ADAMTS17: variants seen among roughly 807,000 people sequenced by gnomAD.
The protein encoded by ADAMTS17 is A disintegrin and metalloproteinase with thrombospondin motifs 17.
Under a neutral mutation model 141.5 loss-of-function variants are expected in ADAMTS17, and 113 were observed. The ratio of observed to expected loss-of-function variants is 0.80; its 90% confidence interval spans 0.69 to 0.93. The LOEUF (loss-of-function observed/expected upper bound fraction) is 0.93, where lower values mean the gene tolerates loss of function less well. ADAMTS17 is among the 40% of genes least tolerant of loss of function. ADAMTS17 has a pLI of 0.00. For missense variants in ADAMTS17, 1,659 were observed against 1,517.9 expected (o/e 1.09, Z -1.54); for synonymous variants, 768 against 630.6 (o/e 1.22, Z -3.27).
At chr15:100,162,163 C>A (rs989369560) in intron 8 of ADAMTS17, among the ~76,000 whole-genome samples, 5 of 152,108 alleles carry the variant, frequency 3.3e-5, no homozygotes, top group African/African-American at 1.2e-4. Flanking sequence ...ACAATACACA[C>A]AGCCTCTCTA....
At chr15:100,019,722 T>C (rs1048537518) in intron 18 of ADAMTS17, among the ~76,000 whole-genome samples, 2 of 152,212 alleles carry the variant, frequency 1.3e-5, no homozygotes, top group African/African-American at 2.4e-5. Flanking sequence ...AAGACGCCTG[T>C]GTGGGCCAAG....
rs867207460 is a variant in ADAMTS17 at position 100,301,256 on chromosome 15, A to T, written c.617-19855T>A. 2.6e-5 allele frequency among the ~76,000 whole-genome samples: 4 copies of T among 152,072 alleles called. No individual in the cohort carries two copies. In the Middle Eastern group the frequency reaches 0.01, roughly 388 times the overall value. ...TTTAACACTTTTATATTTATTGTAA[A>T]AGTTGATAATGGTTGATCTTCTGTC... On this transcript the variant is annotated intron_variant, in intron 3 of 21. Coordinates refer to ENST00000268070, the MANE Select transcript of ADAMTS17 (RefSeq NM_139057.4).
At chr15:100,223,744 G>GTATA (rs142476336) in intron 7 of ADAMTS17, among the ~76,000 whole-genome samples, 37 of 148,892 alleles carry the variant, frequency 2.5e-4, no homozygotes, top group African/African-American at 5.1e-4. Flanking sequence ...ACATGTATGT[G>GTATA]TATATATATA....
chr15:100,069,227 G>A (rs2033789616), intron 15 of ADAMTS17, among the ~76,000 whole-genome samples: 1 of 152,214 alleles, frequency 6.6e-6, no homozygotes, highest in South Asian at 2.1e-4. Context: ...AAGCCTCCAA[G>A]AAATATGGGA....
At chr15:100,008,136 T>G (rs1171449263) in intron 18 of ADAMTS17, among the ~76,000 whole-genome samples, 2 of 152,032 alleles carry the variant, frequency 1.3e-5, no homozygotes, top group Admixed American at 6.5e-5. Flanking sequence ...CCAATGCCTC[T>G]TAAGAAACGT....
chr15:100,078,424 A>C (rs768954411), intron 15 of ADAMTS17, among the ~76,000 whole-genome samples: 1 of 144,726 alleles, frequency 6.9e-6, no homozygotes, highest in Non-Finnish European at 1.5e-5. Flanking sequence ...AGAGTCCAGA[A>C]AACAATTTTT....
rs113494596 is a variant in ADAMTS17, at chr15:100,167,001, C to T, written c.1182-11681G>A. On this transcript the variant is annotated intron_variant, in intron 8 of 21. Coordinates refer to ENST00000268070, the MANE Select transcript of ADAMTS17 (RefSeq NM_139057.4). ...TGTTCAATAAAACTTTCTGCGATGA[C>T]GGGAAAGTCTCTATGTGGGCTGCCT... 2.1e-3 allele frequency among the ~76,000 whole-genome samples: 324 copies of T among 152,326 alleles called. 2 individuals are homozygous for T. Among genetic ancestry groups the T allele is most frequent in the African/African-American group, 6.3e-3 (261 of 41,578 alleles).
chr15:100,317,348 G>A (rs1216994728), intron 3 of ADAMTS17, among the ~76,000 whole-genome samples: 1 of 152,136 alleles, frequency 6.6e-6, no homozygotes, highest in African/African-American at 2.4e-5. Flanking sequence ...GGCTTCTCTG[G>A]AAAGCACTGA....
chr15:100,034,590 C>G (rs73482791), intron 18 of ADAMTS17, among the ~76,000 whole-genome samples: 1,644 of 152,358 alleles, frequency 0.011, 35 homozygotes, highest in African/African-American at 0.037. Flanking sequence ...ACCATTGTTT[C>G]TATCAGAACT....
At chr15:100,105,487 G>A (rs1200917934) in intron 14 of ADAMTS17, among the ~76,000 whole-genome samples, 1 of 152,174 alleles carries the variant, frequency 6.6e-6, no homozygotes, top group Non-Finnish European at 1.5e-5. Context: ...GAACAGGAAG[G>A]CGTGCATCCC....
chr15:100,198,041 G>A (rs1050381738), intron 8 of ADAMTS17, among the ~76,000 whole-genome samples: 3 of 152,182 alleles, frequency 2.0e-5, no homozygotes, highest in Non-Finnish European at 4.4e-5. Flanking sequence ...AGGACTAGGG[G>A]AAGGACAGCA....
intron 7 of ADAMTS17, among the ~76,000 whole-genome samples, chr15:100,222,905 T>C (rs535263215): frequency 2.6e-5 from 4 of 152,294 alleles, no homozygotes; most frequent in African/African-American, 9.6e-5. Flanking sequence ...TTGAATTGTG[T>C]TCTTCTAACA....
chr15:100,207,231 G>A (rs2041608995), intron 7 of ADAMTS17, among the ~76,000 whole-genome samples: 1 of 152,180 alleles, frequency 6.6e-6, no homozygotes. Flanking sequence ...CTCTCCAAGT[G>A]AGCACAAGAG....
rs920468826 is a variant in ADAMTS17, at chr15:100,132,053, A to G, written c.1675T>C (p.Cys559Arg). ...TGCCTGAAGCGGGCTCCCGTCCCACATGTTCGGCTGCACATGCTCCAGGCG... is the reference window on the plus strand; with the variant it reads ...TGCCTGAAGCGGGCTCCCGTCCCACGTGTTCGGCTGCACATGCTCCAGGCG... ...WGAWSMCSRT[C>R]GTGARFRQRK... The change falls in exon 12 of 22, where the codon TGT (cysteine) becomes CGT (arginine). Residue 559 changes from cysteine to arginine, a missense_variant. Cys to Arg is a radical substitution (Grantham distance 180, BLOSUM62 -3). Transcript: ENST00000268070. The G allele has an allele frequency of 1.2e-6, 2 of 1,613,842 alleles. No homozygotes were observed. The highest frequency in any genetic ancestry group is 1.7e-6 in the Non-Finnish European group (2 of 1,179,766).
In ADAMTS17 at chr15:100,304,140, C is replaced by T. The variant is rs192332676; in HGVS notation, c.617-22739G>A. On this transcript the variant is annotated intron_variant, in intron 3 of 21. Transcript: ENST00000268070. The stretch of plus-strand genomic sequence containing the variant: ...CCTTCCCAGAACAAAGGCAACCAGG[C>T]TATATCATCTCGAACCTCTCAGGTA... 2.6e-5 allele frequency among the ~76,000 whole-genome samples: 4 copies of T among 152,308 alleles called. No individual in the cohort carries two copies. In the East Asian group the frequency reaches 5.8e-4, roughly 22 times the overall value.
At chr15:100,300,147 A>G (rs2141809144) in intron 3 of ADAMTS17, among the ~76,000 whole-genome samples, 1 of 152,244 alleles carries the variant, frequency 6.6e-6, no homozygotes, top group East Asian at 1.9e-4. Flanking sequence ...TACCTCCAAC[A>G]TGCCCAGGGC....
intron 3 of ADAMTS17, among the ~76,000 whole-genome samples, chr15:100,306,837 T>A (rs2045243682): frequency 1.3e-5 from 2 of 152,112 alleles, no homozygotes; most frequent in Admixed American, 6.6e-5. Flanking sequence ...AACCCAGACT[T>A]GGGCAACTGG....
chr15:100,196,008 A>G (rs2041102215), intron 8 of ADAMTS17, among the ~76,000 whole-genome samples: 1 of 152,220 alleles, frequency 6.6e-6, no homozygotes, highest in Non-Finnish European at 1.5e-5. Flanking sequence ...ATGGCGTGAT[A>G]AACACACAGC....
intron 8 of ADAMTS17, among the ~76,000 whole-genome samples, chr15:100,189,556 G>A (rs1265796989): frequency 1.2e-4 from 18 of 152,148 alleles, no homozygotes; most frequent in Admixed American, 1.0e-3. Context: ...ATTTACCAAA[G>A]CAGCACATGC....
Sources: allele counts gnomAD v4.1 joint callset (sites outside exome capture counted in the v4.1 genomes callset), GRCh38; gene constraint gnomAD v4.1.1; transcripts MANE v1.5; gene names NCBI Gene and HGNC (gene_info 2026-07-23, HGNC 2026-07-21).